The following SMYD3 variants were observed in gnomAD, a reference collection of about 807,000 sequenced individuals.
The protein encoded by SMYD3 is SET and MYND domain containing 3.
SMYD3 carries 36 observed loss-of-function variants against 57.7 expected under a neutral mutation model. That is an observed-to-expected ratio of 0.62 (90% confidence interval 0.48 to 0.82). SMYD3 has a LOEUF of 0.82. Ranked by LOEUF, SMYD3 falls within the 40% of genes least tolerant of loss-of-function variation. The probability of loss-of-function intolerance (pLI) is 0.00; values close to 1 mark genes in which losing one functional copy is unlikely to be tolerated. For synonymous variants in SMYD3, 211 were observed against 195.0 expected, an observed-to-expected ratio of 1.08 and a Z score of -0.68; for missense variants, 515 against 538.8, an observed-to-expected ratio of 0.96 and a Z score of 0.44.
chr1:246,219,756 C>T (rs2063223192), intron 5 of SMYD3, among the ~76,000 whole-genome samples: 1 of 152,170 alleles, frequency 6.6e-6, no homozygotes, highest in South Asian at 2.1e-4. Flanking sequence ...GATGCAGCTG[C>T]AGGCAAGCAC....
chr1:246,127,049 C>T (rs1328965967), intron 5 of SMYD3, among the ~76,000 whole-genome samples: 6 of 151,558 alleles, frequency 4.0e-5, no homozygotes, highest in Non-Finnish European at 5.9e-5. Context: ...CCGTAGAGAG[C>T]GGATTCCAAT....
At chr1:245,830,228 T>C (rs771972406) in intron 10 of SMYD3, among the ~76,000 whole-genome samples, 4 of 152,166 alleles carry the variant, frequency 2.6e-5, no homozygotes, top group Non-Finnish European at 5.9e-5. Context: ...TACCTGAGAC[T>C]GGGTAATTTT....
At chr1:246,434,096 T>A (rs896590916) in intron 1 of SMYD3, among the ~76,000 whole-genome samples, 1 of 152,136 alleles carries the variant, frequency 6.6e-6, no homozygotes, top group African/African-American at 2.4e-5. Context: ...ACCTCTACCT[T>A]TCATCATGTA....
At chr1:246,319,984 T>C (rs950646048) in intron 5 of SMYD3, among the ~76,000 whole-genome samples, 1 of 152,324 alleles carries the variant, frequency 6.6e-6, no homozygotes, top group East Asian at 1.9e-4. Flanking sequence ...ACTCTAAATG[T>C]AAAGGCACAT....
chr1:246,216,805 T>G (rs1413487751), intron 5 of SMYD3, among the ~76,000 whole-genome samples: 3 of 152,122 alleles, frequency 2.0e-5, no homozygotes, highest in Non-Finnish European at 4.4e-5. Context: ...GTAAGTAAAC[T>G]CTGAAGCTAG....
At chr1:246,370,351 A>AC (rs922264362) in intron 1 of SMYD3, among the ~76,000 whole-genome samples, 2 of 152,206 alleles carry the variant, frequency 1.3e-5, no homozygotes, top group Admixed American at 1.3e-4. Context: ...ACTATACAGG[A>AC]CCCCAGTTCA....
chr1:246,089,486 C>T (rs1218837981), intron 5 of SMYD3, among the ~76,000 whole-genome samples: 2 of 152,148 alleles, frequency 1.3e-5, no homozygotes, highest in Non-Finnish European at 2.9e-5. Flanking sequence ...CAACCCATCC[C>T]TATTTCGAGC....
chr1:246,309,278 T>C (rs2065035849), intron 5 of SMYD3, among the ~76,000 whole-genome samples: 1 of 152,162 alleles, frequency 6.6e-6, no homozygotes, highest in Non-Finnish European at 1.5e-5. Flanking sequence ...GATCACATTA[T>C]GCCATGGATG....
chr1:246,457,532 CAAAAAAAAAAAAA>C (rs59617511), intron 1 of SMYD3, among the ~76,000 whole-genome samples: 1 of 82,456 alleles, frequency 1.2e-5, no homozygotes, highest in Non-Finnish European at 2.3e-5. Flanking sequence ...GACTCTGCCT[CAAAAAAAAAAAAA>C]AAAGAAAAGA....
intron 5 of SMYD3, among the ~76,000 whole-genome samples, chr1:246,228,948 T>C (rs2063371003): frequency 6.6e-6 from 1 of 152,140 alleles, no homozygotes; most frequent in African/African-American, 2.4e-5. Flanking sequence ...TAAAGTGGAA[T>C]TTTTGAGCCA....
At chr1:246,453,442 A>G (rs540513319) in intron 1 of SMYD3, among the ~76,000 whole-genome samples, 18 of 152,358 alleles carry the variant, frequency 1.2e-4, no homozygotes, top group African/African-American at 4.3e-4. Flanking sequence ...CTATATGTAA[A>G]CAATAAAAAC....
At chr1:246,337,647 T>C (rs2065566557) in intron 2 of SMYD3, among the ~76,000 whole-genome samples, 1 of 152,194 alleles carries the variant, frequency 6.6e-6, no homozygotes, top group South Asian at 2.1e-4. Context: ...CCTTAGGCTC[T>C]GTTCAAATGC....
chr1:246,315,285 T>C lies in SMYD3; in HGVS notation c.531+11916A>G, dbSNP rs906523021. 3.9e-5 allele frequency among the ~76,000 whole-genome samples: 6 copies of C among 152,230 alleles called. 1 individual carries two copies. Among genetic ancestry groups the C allele is most frequent in the South Asian group, 4.2e-4 (2 of 4,814 alleles). ...AAAAAAGGACAGACAACTTAGAAAGTAGGGGATAGTCACAGTTGTCAAATG... is the reference window on the plus strand; with the variant it reads ...AAAAAAGGACAGACAACTTAGAAAGCAGGGGATAGTCACAGTTGTCAAATG... On this transcript the variant is annotated intron_variant, in intron 5 of 11. Coordinates refer to ENST00000490107, the MANE Select transcript of SMYD3 (RefSeq NM_001167740.2).
At chr1:246,227,489 C>T (rs2063346219) in intron 5 of SMYD3, among the ~76,000 whole-genome samples, 1 of 152,112 alleles carries the variant, frequency 6.6e-6, no homozygotes, top group Non-Finnish European at 1.5e-5. Flanking sequence ...GTGGCGGGCG[C>T]CTGAAGTCCC....
chr1:246,324,104 T>G (rs1488117260), intron 5 of SMYD3, among the ~76,000 whole-genome samples: 2 of 152,176 alleles, frequency 1.3e-5, no homozygotes, highest in African/African-American at 4.8e-5. Context: ...TCCATATGCC[T>G]TTCAATGAAA....
chr1:246,028,401 A>G (rs2059612833), intron 5 of SMYD3, among the ~76,000 whole-genome samples: 2 of 152,238 alleles, frequency 1.3e-5, no homozygotes, highest in African/African-American at 4.8e-5. Context: ...AAGTTGCAAG[A>G]TACAAAATCA....
chr1:245,863,104 C>T (rs1207785513), intron 9 of SMYD3, among the ~76,000 whole-genome samples: 1 of 152,238 alleles, frequency 6.6e-6, no homozygotes, highest in Non-Finnish European at 1.5e-5. Flanking sequence ...GCAGTCTTTT[C>T]ATCCACCTTG....
At chr1:245,760,657 CTA>C (rs746626759) in intron 11 of SMYD3, among the ~76,000 whole-genome samples, 9 of 152,164 alleles carry the variant, frequency 5.9e-5, no homozygotes, top group Admixed American at 3.3e-4. Flanking sequence ...GCATGTGTGT[CTA>C]TGTTAGGTGG....
intron 5 of SMYD3, among the ~76,000 whole-genome samples, chr1:245,996,661 T>C (rs1483770642): frequency 6.6e-6 from 1 of 152,178 alleles, no homozygotes; most frequent in East Asian, 1.9e-4. Context: ...AAATGCAAAG[T>C]AGAGGCGTAA....
Sources: allele counts gnomAD v4.1 joint callset (sites outside exome capture counted in the v4.1 genomes callset), GRCh38; gene constraint gnomAD v4.1.1; transcripts MANE v1.5; gene names NCBI Gene and HGNC (gene_info 2026-07-23, HGNC 2026-07-21).